The following RIMS1 variants were observed in gnomAD, a reference collection of about 807,000 sequenced individuals.
RIMS1 encodes the protein regulating synaptic membrane exocytosis protein 1.
A neutral mutation model predicts 214.1 loss-of-function variants in RIMS1; 83 were observed. The observed-to-expected ratio is 0.39, with a 90% CI of 0.32 to 0.47. RIMS1 has a LOEUF of 0.47. Ranked by LOEUF, RIMS1 falls within the 20% of genes least tolerant of loss-of-function variation. The pLI is 0.99. For synonymous variants in RIMS1, 793 were observed against 786.8 expected (o/e 1.01, Z -0.13); for missense variants, 2,050 against 2,161.8 (o/e 0.95, Z 1.03).
chr6:72,002,305 CAAA>C (rs779478212), intron 2 of RIMS1, among the ~76,000 whole-genome samples: 2 of 127,268 alleles, frequency 1.6e-5, no homozygotes, highest in Non-Finnish European at 3.4e-5. Flanking sequence ...ATGTTATTAG[CAAA>C]AAAAAAAAAA....
Position 72,129,742 on chromosome 6 carries a change from C to T in RIMS1, c.471+29756C>T, listed in dbSNP as rs370972273. On this transcript the variant is annotated intron_variant, in intron 4 of 33. Transcript: ENST00000521978. ...CCAGAGAAAACTGCTAAAAAAAAAA[C>T]GGACAGTTCAGCTTTGTTGGCTTGT... Among the ~76,000 whole-genome samples, 375 of 151,474 alleles carry T rather than the reference C, an allele frequency of 2.5e-3. 1 individual carries two copies. Among genetic ancestry groups the T allele is most frequent in the Middle Eastern group, 0.02 (6 of 294 alleles).
intron 1 of RIMS1, among the ~76,000 whole-genome samples, chr6:71,947,697 T>A (rs1788294803): frequency 6.6e-6 from 1 of 152,270 alleles, no homozygotes. Flanking sequence ...ATTTTAAATG[T>A]TCTTGCCACA....
At chr6:72,276,471 C>T (rs1420636322) in intron 23 of RIMS1, among the ~76,000 whole-genome samples, 1 of 151,792 alleles carries the variant, frequency 6.6e-6, no homozygotes, top group East Asian at 1.9e-4. Context: ...TGAATTATTC[C>T]ATTTGATTGT....
At chr6:72,265,555 A>C (rs1241229390) in intron 21 of RIMS1, 52 bp downstream of exon 21, 7 of 1,101,642 alleles carry the variant, frequency 6.4e-6, no homozygotes. Context: ...ATTGTTGTGA[A>C]CCAAAAAAGT....
At chr6:72,139,280 G>GT (rs967310847) in intron 4 of RIMS1, among the ~76,000 whole-genome samples, 7 of 152,052 alleles carry the variant, frequency 4.6e-5, no homozygotes, top group Non-Finnish European at 1.5e-5. Flanking sequence ...TCACACACTG[G>GT]TTACTTTGCT....
intron 2 of RIMS1, among the ~76,000 whole-genome samples, chr6:72,041,844 CTTATT>C (rs909244391): frequency 5.9e-5 from 9 of 152,012 alleles, no homozygotes; most frequent in African/African-American, 2.2e-4. Context: ...AGATACTCTT[CTTATT>C]TTATTTAACA....
At chr6:72,122,181 G>A (rs2038498660) in intron 4 of RIMS1, among the ~76,000 whole-genome samples, 1 of 150,224 alleles carries the variant, frequency 6.7e-6, no homozygotes, top group Admixed American at 6.7e-5. Flanking sequence ...AAATGAGTTA[G>A]GGAGGATTCC....
At chr6:72,102,976 T>G (rs2033944312) in intron 4 of RIMS1, among the ~76,000 whole-genome samples, 1 of 152,134 alleles carries the variant, frequency 6.6e-6, no homozygotes, top group Non-Finnish European at 1.5e-5. Context: ...AGAGTTTGCC[T>G]GGACCCACTT....
chr6:72,166,774 A>C (rs2046329394), intron 4 of RIMS1, among the ~76,000 whole-genome samples: 1 of 150,850 alleles, frequency 6.6e-6, no homozygotes, highest in African/African-American at 2.4e-5. Context: ...AAAATTGCTT[A>C]TGTTTATTGA....
chr6:72,119,645 C>G (rs1022871718), intron 4 of RIMS1, among the ~76,000 whole-genome samples: 1 of 151,412 alleles, frequency 6.6e-6, no homozygotes, highest in South Asian at 2.1e-4. Context: ...AAGCCAAATA[C>G]TTATAGCCAA....
At chr6:72,277,308 G>A (rs1237622519) in intron 23 of RIMS1, among the ~76,000 whole-genome samples, 1 of 152,158 alleles carries the variant, frequency 6.6e-6, no homozygotes, top group Non-Finnish European at 1.5e-5. Flanking sequence ...GAGGCCGGGC[G>A]AGGTGGCTCA....
At chr6:72,269,840 T>C (rs965768365) in intron 22 of RIMS1, among the ~76,000 whole-genome samples, 9 of 152,172 alleles carry the variant, frequency 5.9e-5, no homozygotes, top group African/African-American at 2.2e-4. Context: ...AATATTCTTC[T>C]TCCTTTGTTG....
chr6:71,950,971 C>T (rs1057012729), intron 1 of RIMS1, among the ~76,000 whole-genome samples: 1 of 152,150 alleles, frequency 6.6e-6, no homozygotes, highest in Non-Finnish European at 1.5e-5. Context: ...GATGTTATAA[C>T]ATTTTAGATG....
chr6:72,294,651 T>C (rs903767564), intron 26 of RIMS1, among the ~76,000 whole-genome samples: 7 of 151,780 alleles, frequency 4.6e-5, no homozygotes, highest in Admixed American at 1.3e-4. Context: ...GGAAGTATTT[T>C]TTTTCTTATA....
At chr6:72,342,626 G>GGTGTGTGT (rs113847815) in intron 29 of RIMS1, among the ~76,000 whole-genome samples, 11 of 145,970 alleles carry the variant, frequency 7.5e-5, no homozygotes, top group East Asian at 4.1e-4. Context: ...GAGTAAGATG[G>GGTGTGTGT]GTGTGTGTGT....
intron 1 of RIMS1, among the ~76,000 whole-genome samples, chr6:71,893,294 C>T (rs1770540421): frequency 6.6e-6 from 1 of 151,726 alleles, no homozygotes; most frequent in Non-Finnish European, 1.5e-5. Context: ...TGGTCTGAGA[C>T]TATATTTACC....
chr6:72,181,433 G>A (rs2048385460), intron 5 of RIMS1, among the ~76,000 whole-genome samples: 1 of 152,192 alleles, frequency 6.6e-6, no homozygotes, highest in Non-Finnish European at 1.5e-5. Context: ...CTGCAGTTTG[G>A]AACTGGTTGG....
intron 6 of RIMS1, among the ~76,000 whole-genome samples, chr6:72,187,486 T>TTTG (rs1051603385): frequency 1.8e-4 from 27 of 148,270 alleles, no homozygotes; most frequent in Non-Finnish European, 2.5e-4. Flanking sequence ...TTTGTTTTTT[T>TTTG]TTTTTTTTTG....
chr6:71,969,159 T>G (rs1795196146), intron 2 of RIMS1, 96 bp downstream of exon 2: 6 of 1,152,176 alleles, frequency 5.2e-6, no homozygotes, highest in Middle Eastern at 3.9e-4. Context: ...GTAGATACTC[T>G]GGCTGCTCTT....
Sources: gnomAD v4.1 joint callset for allele counts (sites outside exome capture counted in the v4.1 genomes callset) on GRCh38, gnomAD v4.1.1 for gene constraint, MANE v1.5 for transcripts, NCBI Gene and HGNC (gene_info 2026-07-23, HGNC 2026-07-21) for gene names.